ICE1: variants seen among roughly 807,000 people sequenced by gnomAD.
ICE1 encodes interactor of little elongation complex ELL subunit 1, also known as little elongation complex subunit 1.
In ICE1, 64 loss-of-function variants were observed where a neutral mutation model predicts 192.7. The observed-to-expected ratio is 0.33, with a 90% CI of 0.27 to 0.41. The LOEUF is 0.41. Among genes scored for constraint, ICE1 ranks in the 10% least tolerant of loss-of-function variants. The pLI, the probability that ICE1 is intolerant of heterozygous loss-of-function variation, is 1.00. For synonymous variants in ICE1, 1,010 were observed against 984.5 expected, an observed-to-expected ratio of 1.03 and a Z score of -0.49; for missense variants, 2,708 against 2,696.0, an observed-to-expected ratio of 1.00 and a Z score of -0.10.
rs1384370775 is a variant in ICE1, at chr5:5,473,633, C to A, written c.6298C>A (p.Gln2100Lys). ...TIQLCPKTEFQPSEKFGEDLS... is the reference protein window; with the variant it reads ...TIQLCPKTEFKPSEKFGEDLS... Reference sequence around the variant, plus strand: ...ACAGTTATGTCCAAAAACAGAATTTCAACCTAGTGAAAAATTTGGTGAAGA... The same window carrying A: ...ACAGTTATGTCCAAAAACAGAATTTAAACCTAGTGAAAAATTTGGTGAAGA... Residue 2100 changes from glutamine to lysine, a missense_variant, in exon 16 of 19, where the codon CAA (glutamine) becomes AAA (lysine). Physicochemically the swap from Gln to Lys is moderately conservative, Grantham distance 53. Coordinates refer to ENST00000296564, the MANE Select transcript of ICE1 (RefSeq NM_015325.3). 6.2e-7 allele frequency: 1 copy of A among 1,613,512 alleles called. No homozygotes were observed. Among genetic ancestry groups the A allele is most frequent in the Non-Finnish European group, 8.5e-7 (1 of 1,179,746 alleles).
intron 7 of ICE1, among the ~76,000 whole-genome samples, chr5:5,444,878 C>T (rs189187096): frequency 2.0e-5 from 3 of 152,246 alleles, no homozygotes; most frequent in East Asian, 3.9e-4. Flanking sequence ...GAATCTAAGT[C>T]CTCACATTTC....
At chr5:5,433,202 G>C (rs962921138) in intron 1 of ICE1, among the ~76,000 whole-genome samples, 3 of 152,152 alleles carry the variant, frequency 2.0e-5, no homozygotes, top group Non-Finnish European at 4.4e-5. Context: ...CCTGCCCCAA[G>C]GGTCCCTGGT....
Position 5,460,467 on chromosome 5 carries a change from G to A in ICE1, c.1133G>A (p.Ser378Asn). Residue 378 changes from serine (S) to asparagine (N), a missense_variant, in exon 13 of 19, where the codon AGC (serine) becomes AAC (asparagine). Transcript: ENST00000296564. ...ETYFGEYTDSSDNDSVQLRNS... is the reference protein window; with the variant it reads ...ETYFGEYTDSNDNDSVQLRNS... ...TACTTTGGAGAATACACAGATTCCA[G>A]CGATAATGACTCAGTCCAGCTTAGA... is the stretch of plus-strand genomic sequence containing the variant. The A allele has an allele frequency of 6.2e-7, 1 of 1,601,188 alleles. No individual in the cohort carries two copies. Among genetic ancestry groups the A allele is most frequent in the Non-Finnish European group, 8.5e-7 (1 of 1,173,500 alleles).
At position 5,468,837 on chromosome 5, in the gene ICE1, A is replaced by C; in HGVS notation, c.6071A>C (p.Glu2024Ala). Residue 2024 changes from glutamate to alanine, a missense_variant, in exon 15 of 19, where the codon GAG becomes GCG. This residue lies in a region of ICE1 where 342 missense variants were observed against 419.3 expected (regional missense o/e 0.82). Transcript: ENST00000296564. ...CYSLLKEDFP[E>A]SEKLTLFIAN... ...ATTTTATTTCTGATAGATTTTCCGG[A>C]GTCTGAAAAATTAACTTTGTTTATT... is the stretch of plus-strand genomic sequence containing the variant. The C allele has an allele frequency of 6.4e-7, 1 of 1,573,200 alleles. No homozygotes were observed. Among genetic ancestry groups the C allele is most frequent in the Non-Finnish European group, 8.6e-7 (1 of 1,159,498 alleles).
rs182238640 is a variant in ICE1, at chr5:5,487,667, A to G, written c.6619+848A>G. ...TGTACTTTTTTACAATTGAGGTTGTATATTGACATAAAAGAAAGTAGCCAG... is the reference window on the plus strand; with the variant it reads ...TGTACTTTTTTACAATTGAGGTTGTGTATTGACATAAAAGAAAGTAGCCAG... On this transcript the variant is annotated intron_variant, in intron 18 of 18. Coordinates refer to ENST00000296564, the MANE Select transcript of ICE1 (RefSeq NM_015325.3). 4.1e-4 allele frequency among the ~76,000 whole-genome samples: 63 copies of G among 152,338 alleles called. 2 individuals carry two copies. The East Asian group carries it at 8.7e-3, about 21-fold the overall frequency.
intron 14 of ICE1, among the ~76,000 whole-genome samples, chr5:5,466,772 A>G (rs1053612957): frequency 3.9e-5 from 6 of 152,218 alleles, no homozygotes; most frequent in African/African-American, 1.2e-4. Flanking sequence ...AGAATTAGAT[A>G]TAGTTGCCTT....
At chr5:5,447,654 T>G in intron 8 of ICE1, 67 bp from the exon 9 acceptor site, 1 of 1,464,144 alleles carries the variant, frequency 6.8e-7, no homozygotes, top group South Asian at 1.2e-5. Flanking sequence ...GCACCTGTTT[T>G]ACATTTGGTC....
Position 5,462,241 on chromosome 5 carries a change from A to G in ICE1, c.2907A>G (p.Gln969=), listed in dbSNP as rs773651000. Residue 969 remains glutamine (Q), a synonymous_variant, in exon 13 of 19, where the codon CAA becomes CAG. Coordinates refer to ENST00000296564, the MANE Select transcript of ICE1 (RefSeq NM_015325.3). The part of the protein sequence containing the change: ...FSPENILIQN[Q]DIVREAAVQG... ...CTGAAAATATCCTCATCCAAAACCAAGACATTGTGAGAGAAGCTGCAGTGC... is the reference window on the plus strand; with the variant it reads ...CTGAAAATATCCTCATCCAAAACCAGGACATTGTGAGAGAAGCTGCAGTGC... 1 of 1,611,764 alleles carries G rather than the reference A, an allele frequency of 6.2e-7. No individual in the cohort carries two copies. Among genetic ancestry groups the G allele is most frequent in the Admixed American group, 1.7e-5 (1 of 59,590 alleles).
intron 10 of ICE1, among the ~76,000 whole-genome samples, chr5:5,450,163 A>G (rs976687736): frequency 1.1e-4 from 16 of 152,232 alleles, no homozygotes; most frequent in African/African-American, 3.6e-4. Context: ...ATTATGAATG[A>G]GAAGGAAATG....
At chr5:5,447,076 TC>T (rs1738247501) in intron 7 of ICE1, among the ~76,000 whole-genome samples, 1 of 152,308 alleles carries the variant, frequency 6.6e-6, no homozygotes, top group Admixed American at 6.5e-5. Context: ...AAATCACATT[TC>T]TAAAATTTCT....
Position 5,464,748 on chromosome 5 carries a change from CT to C in ICE1, c.5418del (p.Phe1806LeufsTer37). On this transcript the variant is annotated frameshift_variant, in exon 13 of 19. Coordinates refer to ENST00000296564, the MANE Select transcript of ICE1 (RefSeq NM_015325.3). LOFTEE classifies it high-confidence loss of function. The surrounding 1 kb of genome is among the most constrained non-coding windows in gnomAD (Gnocchi z 4.0). ...GFKTITSAATAFVKTGSSSGG... is the reference protein window; with the variant it reads ...GFKTITSAATXFVKTGSSSGG... ...AAAACGATCACTTCAGCAGCAACTG[CT>C]TTTGTCAAAACTGGGAGCAGCTCTG... is the stretch of plus-strand genomic sequence containing the variant. 1 of 1,613,884 alleles carries C rather than the reference CT, an allele frequency of 6.2e-7. No individual in the cohort carries two copies. Among genetic ancestry groups the C allele is most frequent in the Non-Finnish European group, 8.5e-7 (1 of 1,179,858 alleles).
intron 1 of ICE1, among the ~76,000 whole-genome samples, chr5:5,428,963 T>C (rs1737613310): frequency 6.6e-6 from 1 of 152,174 alleles, no homozygotes; most frequent in Non-Finnish European, 1.5e-5. Flanking sequence ...TCATAGGACT[T>C]AGCATATAGT....
At chr5:5,458,389 A>G (rs1335287309) in intron 12 of ICE1, among the ~76,000 whole-genome samples, 1 of 152,150 alleles carries the variant, frequency 6.6e-6, no homozygotes, top group Non-Finnish European at 1.5e-5. Context: ...AGTGGGCTTC[A>G]TTGTGTGGAG....
intron 1 of ICE1, among the ~76,000 whole-genome samples, chr5:5,433,460 G>C (rs552631159): frequency 8.9e-4 from 136 of 152,130 alleles, no homozygotes; most frequent in African/African-American, 2.9e-3. Context: ...GCTTTCTTGG[G>C]TGCTAAATCA....
chr5:5,443,317 GT>G (rs112316712), intron 6 of ICE1, 73 bp downstream of exon 6: 43,931 of 606,616 alleles, frequency 0.072, 1,662 homozygotes, highest in East Asian at 0.36. Context: ...AGTCGGTAGT[GT>G]TTTTTTTTTT....
At position 5,441,185 on chromosome 5, in the gene ICE1, G is replaced by C. The variant is rs1211678254; in HGVS notation, c.271G>C (p.Glu91Gln). Reference sequence around the variant, plus strand: ...TTCTCCTCTACAGAAATGTCAGGAAGAACTGGGATCTTTAAAAGCAGAGCT... The same window carrying C: ...TTCTCCTCTACAGAAATGTCAGGAACAACTGGGATCTTTAAAAGCAGAGCT... ...KISPLQKCQEELGSLKAELEE... is the reference protein window; with the variant it reads ...KISPLQKCQEQLGSLKAELEE... Residue 91 changes from glutamate to glutamine, a missense_variant, in exon 5 of 19, where the codon GAA becomes CAA. By Grantham distance (29) the Glu-to-Gln change is conservative (BLOSUM62 2). Around this residue, in one of 2 missense-constraint regions of ICE1, gnomAD observed 2,366 missense variants for 2,276.6 expected, o/e 1.04. Transcript: ENST00000296564. The C allele has an allele frequency of 6.4e-7, 1 of 1,564,008 alleles. No homozygotes were observed. Among genetic ancestry groups the C allele is most frequent in the South Asian group, 1.2e-5 (1 of 84,796 alleles).
intron 10 of ICE1, among the ~76,000 whole-genome samples, chr5:5,451,623 C>T (rs1359192778): frequency 6.6e-6 from 1 of 152,066 alleles, no homozygotes; most frequent in Admixed American, 6.6e-5. Context: ...AAAACATGCT[C>T]AAATTGACTC....
intron 1 of ICE1, among the ~76,000 whole-genome samples, chr5:5,425,450 C>G (rs1436175045): frequency 6.6e-6 from 1 of 152,172 alleles, no homozygotes; most frequent in African/African-American, 2.4e-5. Flanking sequence ...TCCATTGAAA[C>G]ATTATAAACA....
At chr5:5,473,938 T>C (rs547606632) in intron 16 of ICE1, among the ~76,000 whole-genome samples, 190 bp downstream of exon 16, 8 of 152,226 alleles carry the variant, frequency 5.3e-5, no homozygotes, top group East Asian at 3.9e-4. Flanking sequence ...CGGCCGGGCA[T>C]GGTGGCTCAC....
Sources: allele counts gnomAD v4.1 joint callset (sites outside exome capture counted in the v4.1 genomes callset), GRCh38; gene constraint gnomAD v4.1.1; regional missense constraint gnomAD v4.1.1; non-coding constraint Gnocchi (gnomAD v3.1); transcripts MANE v1.5; gene names NCBI Gene and HGNC (gene_info 2026-07-23, HGNC 2026-07-21).